The following NDUFAF2 variants were observed in gnomAD, a reference collection of about 807,000 sequenced individuals.
NDUFAF2 encodes NADH dehydrogenase [ubiquinone] 1 alpha subcomplex assembly factor 2.
In NDUFAF2, 13 loss-of-function variants were observed where a neutral mutation model predicts 22.8. The observed-to-expected ratio is 0.57, with a 90% CI of 0.37 to 0.91. The LOEUF is 0.91. NDUFAF2 is among the 40% of genes least tolerant of loss of function. The pLI is 0.01. For synonymous variants in NDUFAF2, 53 were observed against 64.2 expected (o/e 0.83, Z 0.84); for missense variants, 162 against 195.2 (o/e 0.83, Z 1.01).
intron 1 of NDUFAF2, among the ~76,000 whole-genome samples, chr5:60,980,859 A>G (rs957953400): frequency 7.9e-5 from 12 of 152,108 alleles, no homozygotes; most frequent in Non-Finnish European, 1.8e-4. Flanking sequence ...GTGAGCTTGA[A>G]GATGGGCTAT....
intron 2 of NDUFAF2, among the ~76,000 whole-genome samples, chr5:61,077,479 A>T (rs917866293): frequency 6.6e-6 from 1 of 152,362 alleles, no homozygotes; most frequent in South Asian, 2.1e-4. Flanking sequence ...GAGCAAATGC[A>T]TGATAGAAAA....
chr5:60,945,926 A>G (rs1006285821), intron 1 of NDUFAF2, among the ~76,000 whole-genome samples: 1 of 151,968 alleles, frequency 6.6e-6, no homozygotes, highest in African/African-American at 2.4e-5. Context: ...CGCTGGCCCC[A>G]TGCGCCTTCC....
chr5:61,011,027 C>T (rs1287806510), intron 1 of NDUFAF2, among the ~76,000 whole-genome samples: 2 of 152,076 alleles, frequency 1.3e-5, no homozygotes, highest in African/African-American at 4.8e-5. Context: ...GAGCCTGAAT[C>T]CCTTATGATT....
At chr5:61,049,818 A>ATG (rs1359349301) in intron 1 of NDUFAF2, among the ~76,000 whole-genome samples, 2 of 151,740 alleles carry the variant, frequency 1.3e-5, no homozygotes, top group Non-Finnish European at 2.9e-5. Flanking sequence ...GTGTATTTAT[A>ATG]TACATATATA....
chr5:61,043,813 A>G (rs974135155), intron 1 of NDUFAF2, among the ~76,000 whole-genome samples: 2 of 152,090 alleles, frequency 1.3e-5, no homozygotes, highest in Non-Finnish European at 2.9e-5. Context: ...TGCAATAAAC[A>G]TGAGAGTGCA....
chr5:61,116,091 C>T (rs2111791792), intron 3 of NDUFAF2: 1 of 152,268 alleles, frequency 6.6e-6, no homozygotes, highest in Middle Eastern at 3.4e-3. Flanking sequence ...TGAAGACAAA[C>T]AGGCCTTTAT....
At chr5:60,957,149 AT>A (rs959816570) in intron 1 of NDUFAF2, among the ~76,000 whole-genome samples, 6 of 152,070 alleles carry the variant, frequency 3.9e-5, no homozygotes, top group African/African-American at 1.4e-4. Flanking sequence ...TGTTTTATTT[AT>A]TTTTAATTAT....
intron 3 of NDUFAF2, among the ~76,000 whole-genome samples, chr5:61,117,855 T>G (rs764343050): frequency 5.0e-4 from 76 of 152,070 alleles, no homozygotes; most frequent in Non-Finnish European, 9.0e-4. Flanking sequence ...GGTATGTAAA[T>G]AAGTAAGTGT....
chr5:61,050,346 A>G (rs1160451103), intron 1 of NDUFAF2: 1 of 152,100 alleles, frequency 6.6e-6, no homozygotes, highest in Admixed American at 6.6e-5. Context: ...ATTATGATGG[A>G]AATGATGATG....
At position 61,106,391 on chromosome 5, in the gene NDUFAF2, C is replaced by CT. The variant is rs1433406504; in HGVS notation, c.258+7366dup. On this transcript the variant is annotated intron_variant, in intron 3 of 3. Coordinates refer to ENST00000296597, the MANE Select transcript of NDUFAF2 (RefSeq NM_174889.5). ...GATTAAACATTATTCACATAGTATTCTTTTTTTAATTTTTGATTTTGTGGG... is the reference window on the plus strand; with the variant it reads ...GATTAAACATTATTCACATAGTATTCTTTTTTTTAATTTTTGATTTTGTGGG... Among the ~76,000 whole-genome samples, 8 of 151,270 alleles carry CT rather than the reference C, an allele frequency of 5.3e-5. 2 individuals are homozygous for CT. The highest frequency in any genetic ancestry group is 2.0e-4 in the African/African-American group (8 of 40,798).
intron 1 of NDUFAF2, among the ~76,000 whole-genome samples, chr5:61,072,197 A>G (rs1285298011): frequency 6.6e-6 from 1 of 152,248 alleles, no homozygotes; most frequent in Non-Finnish European, 1.5e-5. Context: ...TGGCTCTAAC[A>G]GTAACATACG....
intron 1 of NDUFAF2, among the ~76,000 whole-genome samples, chr5:61,025,161 A>G (rs955560316): frequency 2.6e-5 from 4 of 152,038 alleles, no homozygotes; most frequent in African/African-American, 9.7e-5. Flanking sequence ...CCTCTCAACT[A>G]AACTGCCTTC....
At chr5:60,960,657 A>G (rs1276213991) in intron 1 of NDUFAF2, among the ~76,000 whole-genome samples, 2 of 152,236 alleles carry the variant, frequency 1.3e-5, no homozygotes, top group African/African-American at 4.8e-5. Flanking sequence ...TCAGAACTAT[A>G]TGTCAGACTT....
chr5:61,119,441 G>T (rs528607423), intron 3 of NDUFAF2, among the ~76,000 whole-genome samples: 1 of 151,820 alleles, frequency 6.6e-6, no homozygotes, highest in South Asian at 2.1e-4. Flanking sequence ...ACATTTTCAG[G>T]GAAAATACAT....
At chr5:61,097,964 G>A (rs975207283) in intron 2 of NDUFAF2, among the ~76,000 whole-genome samples, 1 of 152,092 alleles carries the variant, frequency 6.6e-6, no homozygotes, top group African/African-American at 2.4e-5. Context: ...TGATAAAACA[G>A]TGGCCTTCAA....
chr5:61,007,055 A>G (rs1007070160), intron 1 of NDUFAF2, among the ~76,000 whole-genome samples: 2 of 152,052 alleles, frequency 1.3e-5, no homozygotes, highest in Non-Finnish European at 2.9e-5. Flanking sequence ...ATTTTCTCCC[A>G]TTTTGTAGAT....
intron 1 of NDUFAF2, among the ~76,000 whole-genome samples, chr5:60,993,091 G>A (rs1297145162): frequency 6.6e-6 from 1 of 152,238 alleles, no homozygotes; most frequent in Non-Finnish European, 1.5e-5. Flanking sequence ...AGAGGTATGT[G>A]AGCTAGTGAG....
intron 1 of NDUFAF2, among the ~76,000 whole-genome samples, chr5:61,045,748 TAAGA>T (rs1299926340): frequency 5.3e-5 from 8 of 152,170 alleles, no homozygotes; most frequent in Non-Finnish European, 8.8e-5. Flanking sequence ...TTTTTAGATA[TAAGA>T]CCTTGTCATC....
chr5:61,002,920 T>C (rs1379687002), intron 1 of NDUFAF2, among the ~76,000 whole-genome samples: 1 of 152,170 alleles, frequency 6.6e-6, no homozygotes, highest in Non-Finnish European at 1.5e-5. Flanking sequence ...TTATTCCCTC[T>C]TCAGATTCTC....
Sources: gnomAD v4.1 joint callset for allele counts (sites outside exome capture counted in the v4.1 genomes callset) on GRCh38, gnomAD v4.1.1 for gene constraint, MANE v1.5 for transcripts, NCBI Gene and HGNC (gene_info 2026-07-23, HGNC 2026-07-21) for gene names.